MILR1: variants seen among roughly 807,000 people sequenced by gnomAD.
The protein encoded by MILR1 is allergin-1.
Under a neutral mutation model 18.5 loss-of-function variants are expected in MILR1, and 31 were observed. The ratio of observed to expected loss-of-function variants is 1.68; its 90% confidence interval spans 1.26 to 2.26. The LOEUF (loss-of-function observed/expected upper bound fraction) is 2.26. Among genes scored for constraint, MILR1 ranks in the 30% most tolerant of loss-of-function variants. The probability of loss-of-function intolerance (pLI) is 0.00; values close to 1 mark genes in which losing one functional copy is unlikely to be tolerated. For synonymous variants in MILR1, 85 were observed against 56.2 expected (o/e 1.51, Z -2.30); for missense variants, 257 against 157.4 (o/e 1.63, Z -3.38).
chr17:64,455,620 AT>A (rs878942450), intron 3 of MILR1, among the ~76,000 whole-genome samples: 7 of 143,884 alleles, frequency 4.9e-5, no homozygotes, highest in African/African-American at 7.7e-5. Context: ...CGCCTGGCTA[AT>A]TTTTTTTTTT....
chr17:64,477,292 A>G, the MILR1 span, among the ~76,000 whole-genome samples: 1 of 152,222 alleles, frequency 6.6e-6, no homozygotes, highest in Non-Finnish European at 1.5e-5. Flanking sequence ...CCTAGAAATT[A>G]TCATGTGATT....
At chr17:64,490,639 A>G in the MILR1 span, 1 of 651,874 alleles carries the variant, frequency 1.5e-6, no homozygotes, top group Non-Finnish European at 2.8e-6. Flanking sequence ...CCTGATTTTG[A>G]TGACTGGATT....
the MILR1 span, chr17:64,491,628 G>C: frequency 1.3e-6 from 2 of 1,513,570 alleles, no homozygotes; most frequent in African/African-American, 2.8e-5. Context: ...TGGCCTTGAT[G>C]GAGCGTTTCA....
At chr17:64,473,115 C>T (rs1017070586), downstream of MILR1, among the ~76,000 whole-genome samples, 3 of 151,782 alleles carry the variant, frequency 2.0e-5, no homozygotes, top group African/African-American at 2.4e-5. Context: ...TTTGGGAGGC[C>T]GAGGCGGGTG....
rs2037537590 is a variant in MILR1 at position 64,465,602 on chromosome 17, A to G, written c.853+61A>G. On this transcript the variant is annotated intron_variant, in intron 6 of 9. Transcript: ENST00000619286. ...AGGTTTTTGTCTTTTTATTTTGTTA[A>G]GGTTGTACAGACATACGGGAGTGGG... is the stretch of plus-strand genomic sequence containing the variant. The G allele has an allele frequency of 3.3e-6, 5 of 1,534,628 alleles. No individual in the cohort carries two copies. The East Asian group carries it at 1.2e-4, about 37-fold the overall frequency.
chr17:64,461,576 G>T (rs2037433550), intron 5 of MILR1, among the ~76,000 whole-genome samples: 1 of 151,986 alleles, frequency 6.6e-6, no homozygotes, highest in Non-Finnish European at 1.5e-5. Context: ...ATAATTTTTT[G>T]TACGCTCTTT....
chr17:64,465,784 C>G (rs1303191743), intron 6 of MILR1, among the ~76,000 whole-genome samples: 1 of 152,008 alleles, frequency 6.6e-6, no homozygotes, highest in Non-Finnish European at 1.5e-5. Context: ...CTTTCTACAC[C>G]ATGATTTTGT....
the MILR1 span, chr17:64,492,613 A>T: frequency 2.0e-6 from 2 of 981,446 alleles, no homozygotes; most frequent in Non-Finnish European, 3.2e-6. Context: ...TACCACTGAC[A>T]CATTAAGACA....
the MILR1 span, among the ~76,000 whole-genome samples, chr17:64,481,886 A>G: frequency 1.3e-5 from 2 of 151,636 alleles, no homozygotes; most frequent in African/African-American, 4.8e-5. Flanking sequence ...AAATAAATAA[A>G]TAAATAAATA....
the MILR1 span, among the ~76,000 whole-genome samples, chr17:64,478,650 C>T: frequency 6.6e-6 from 1 of 152,156 alleles, no homozygotes; most frequent in Non-Finnish European, 1.5e-5. Flanking sequence ...GTAATCCCAG[C>T]ACTTTGGGAG....
At chr17:64,485,606 T>G in the MILR1 span, 1 of 822,682 alleles carries the variant, frequency 1.2e-6, no homozygotes, top group East Asian at 2.5e-5. Context: ...GAAAAATACT[T>G]AGACTACATG....
the MILR1 span, among the ~76,000 whole-genome samples, chr17:64,476,845 T>TA: frequency 0.07 from 9,690 of 138,490 alleles, 563 homozygotes; most frequent in African/African-American, 0.17. Context: ...AAAATTAAAA[T>TA]AAAAAAAAAA....
At chr17:64,494,272 G>C in the MILR1 span, among the ~76,000 whole-genome samples, 1 of 152,108 alleles carries the variant, frequency 6.6e-6, no homozygotes, top group Non-Finnish European at 1.5e-5. Flanking sequence ...ATCATTTTTA[G>C]CAAAATACTA....
At chr17:64,479,255 C>T in the MILR1 span, among the ~76,000 whole-genome samples, 1 of 149,590 alleles carries the variant, frequency 6.7e-6, no homozygotes, top group Non-Finnish European at 1.5e-5. Context: ...TTGATCTCAG[C>T]TCACTGCAAC....
the MILR1 span, chr17:64,496,537 G>A: frequency 1.9e-6 from 3 of 1,613,862 alleles, no homozygotes; most frequent in Non-Finnish European, 2.5e-6. Context: ...CTAACCTGAA[G>A]GCACTGTCCC....
chr17:64,489,957 G>A, the MILR1 span, among the ~76,000 whole-genome samples: 2 of 150,492 alleles, frequency 1.3e-5, no homozygotes, highest in African/African-American at 4.9e-5. Flanking sequence ...ACAGAGTCTC[G>A]TTCTGTCGCC....
chr17:64,492,708 G>A, the MILR1 span: 1 of 1,612,268 alleles, frequency 6.2e-7, no homozygotes, highest in Non-Finnish European at 8.5e-7. Flanking sequence ...CAGAAATCAA[G>A]CCACTGGTTT....
chr17:64,497,116 C>T, the MILR1 span: 1 of 803,772 alleles, frequency 1.2e-6, no homozygotes, highest in Middle Eastern at 3.0e-4. Flanking sequence ...CCCGGAAGCG[C>T]ATGTCTGCGT....
Position 64,466,737 on chromosome 17 carries a change from G to C in MILR1, c.979+75G>C, listed in dbSNP as rs541420845. 3.1e-6 allele frequency: 4 copies of C among 1,279,076 alleles called. No homozygotes were observed. In the African/African-American group the frequency reaches 5.9e-5, roughly 19 times the overall value. 79.2% of individuals were successfully genotyped at this position (1,279,076 alleles called of 1,614,324 possible). A position where few individuals can be genotyped will look rare whatever the true frequency, so the allele number is the denominator to read the frequency against. ...CCCTCTGATGTCATTATATTCAGGG[G>C]CTTCAGGAGCCCGTTAATGGGGTGG... On this transcript the variant is annotated intron_variant, in intron 8 of 9. Transcript: ENST00000619286.
Sources: gnomAD v4.1 joint callset for allele counts (sites outside exome capture counted in the v4.1 genomes callset) on GRCh38, gnomAD v4.1.1 for gene constraint, MANE v1.5 for transcripts, NCBI Gene and HGNC (gene_info 2026-07-23, HGNC 2026-07-21) for gene names.